The following LEF1 variants were observed in gnomAD, a reference collection of about 807,000 sequenced individuals.
LEF1 encodes the protein lymphoid enhancer-binding factor 1.
Under a neutral mutation model 51.2 loss-of-function variants are expected in LEF1, and 14 were observed. That is an observed-to-expected ratio of 0.27 (90% CI 0.18 to 0.43). The LOEUF is 0.43. LEF1 is among the 20% of genes least tolerant of loss of function. LEF1 has a pLI of 1.00. For synonymous variants in LEF1, 185 were observed against 183.2 expected (o/e 1.01, Z -0.08); for missense variants, 386 against 512.0 (o/e 0.75, Z 2.37).
chr4:108,079,139 T>G (rs1739113370), intron 7 of LEF1, among the ~76,000 whole-genome samples: 1 of 152,204 alleles, frequency 6.6e-6, no homozygotes, highest in Non-Finnish European at 1.5e-5. Flanking sequence ...CCCTCCAATC[T>G]ACTTCACTCA....
At chr4:108,067,576 C>G (rs1436647049) in intron 9 of LEF1, among the ~76,000 whole-genome samples, 2 of 150,996 alleles carry the variant, frequency 1.3e-5, no homozygotes, top group Non-Finnish European at 2.9e-5. Flanking sequence ...GTCACCTAGA[C>G]TGGAGTGCAG....
chr4:108,160,294 C>T (rs17038703), intron 3 of LEF1, among the ~76,000 whole-genome samples: 1 of 152,126 alleles, frequency 6.6e-6, no homozygotes, highest in African/African-American at 2.4e-5. Context: ...CATTGGCCTA[C>T]AGGGATTTTC....
In LEF1 at chr4:108,168,432, T is replaced by G. The variant is rs1745553279; in HGVS notation, c.-665A>C. ...GTCCGTTTTAGATCTTCTTATTTTC[T>G]TCCCTTTCGCTTCGGTTTTTCTTCT... is the stretch of plus-strand genomic sequence containing the variant. On this transcript the variant is annotated 5_prime_UTR_variant, in exon 1 of 12. Transcript: ENST00000265165. This position sits in a 1 kb window ranked among gnomAD's most constrained non-coding sequence, Gnocchi z 4.6. 6.6e-6 allele frequency: 1 copy of G among 152,250 alleles called. No individual in the cohort carries two copies. The highest frequency in any genetic ancestry group is 2.4e-5 in the African/African-American group (1 of 41,462). 9.4% of individuals were successfully genotyped at this position (152,250 alleles called of 1,614,324 possible).
chr4:108,125,862 A>G (rs1023773314), intron 3 of LEF1, among the ~76,000 whole-genome samples: 2 of 152,190 alleles, frequency 1.3e-5, no homozygotes, highest in Non-Finnish European at 2.9e-5. Context: ...GGATCCTAAA[A>G]AGTAAATGTT....
At chr4:108,136,946 G>C (rs1743302133) in intron 3 of LEF1, among the ~76,000 whole-genome samples, 1 of 152,062 alleles carries the variant, frequency 6.6e-6, no homozygotes, top group South Asian at 2.1e-4. Context: ...GGTCATTTTT[G>C]CTAAGGATAA....
intron 3 of LEF1, among the ~76,000 whole-genome samples, chr4:108,113,736 G>T (rs1427461853): frequency 6.6e-6 from 1 of 152,214 alleles, no homozygotes; most frequent in African/African-American, 2.4e-5. Flanking sequence ...TGGATAAATT[G>T]CAGGTATGCA....
intron 11 of LEF1, among the ~76,000 whole-genome samples, chr4:108,051,268 A>T (rs1295906192): frequency 6.6e-6 from 1 of 152,186 alleles, no homozygotes. Context: ...CTTAAAAAAA[A>T]AAAAGAGCAA....
chr4:108,062,340 C>A (rs1466029147), intron 11 of LEF1, among the ~76,000 whole-genome samples: 1 of 152,326 alleles, frequency 6.6e-6, no homozygotes, highest in African/African-American at 2.4e-5. Context: ...ACACTGCACA[C>A]GTCTATCCAG....
At chr4:108,134,762 A>C (rs1743145539) in intron 3 of LEF1, among the ~76,000 whole-genome samples, 1 of 152,336 alleles carries the variant, frequency 6.6e-6, no homozygotes, top group East Asian at 1.9e-4. Flanking sequence ...TAAAACCCTG[A>C]GAAGTTAAAG....
intron 5 of LEF1, among the ~76,000 whole-genome samples, chr4:108,082,568 G>C (rs760136440): frequency 9.2e-5 from 14 of 152,144 alleles, no homozygotes; most frequent in Non-Finnish European, 1.9e-4. Context: ...GGAAAAAGGA[G>C]AGAAACAATT....
chr4:108,164,396 G>A (rs1225633102), intron 2 of LEF1, among the ~76,000 whole-genome samples: 2 of 152,082 alleles, frequency 1.3e-5, no homozygotes, highest in South Asian at 2.1e-4. Flanking sequence ...CATATTGTAT[G>A]TAAAAACACT....
chr4:108,152,262 CA>C (rs888140323), intron 3 of LEF1, among the ~76,000 whole-genome samples: 1 of 152,112 alleles, frequency 6.6e-6, no homozygotes, highest in African/African-American at 2.4e-5. Flanking sequence ...TATAAGAATC[CA>C]AAGACAGGGT....
At chr4:108,135,445 T>A (rs1743199916) in intron 3 of LEF1, among the ~76,000 whole-genome samples, 1 of 152,180 alleles carries the variant, frequency 6.6e-6, no homozygotes, top group South Asian at 2.1e-4. Flanking sequence ...CAGGCTCAAA[T>A]ACAGATGGAG....
In LEF1 at chr4:108,125,185, G is replaced by C. The variant is rs529567953; in HGVS notation, c.415-35928C>G. On this transcript the variant is annotated intron_variant, in intron 3 of 11. Coordinates refer to ENST00000265165, the MANE Select transcript of LEF1 (RefSeq NM_016269.5). ...TTATTTTTATTTATTTATTTTTGAG[G>C]CAGAGTCTTGCTCTATCGCCCAGGC... Among the ~76,000 whole-genome samples the C allele has an allele frequency of 4.0e-5, 6 of 151,682 alleles. No individual in the cohort carries two copies. In the South Asian group the frequency reaches 1.3e-3, roughly 32 times the overall value.
chr4:108,112,664 G>T (rs1741603349), intron 3 of LEF1, among the ~76,000 whole-genome samples: 1 of 152,200 alleles, frequency 6.6e-6, no homozygotes. Context: ...TTCTTAGAAT[G>T]ATTTCTGGCT....
intron 11 of LEF1, among the ~76,000 whole-genome samples, chr4:108,060,281 CTA>C (rs1737583117): frequency 6.6e-6 from 1 of 152,016 alleles, no homozygotes; most frequent in South Asian, 2.1e-4. Flanking sequence ...AAAATGATGA[CTA>C]TAAATTAGGA....
chr4:108,082,627 G>A (rs1739383906), intron 5 of LEF1, among the ~76,000 whole-genome samples: 1 of 152,184 alleles, frequency 6.6e-6, no homozygotes, highest in Non-Finnish European at 1.5e-5. Flanking sequence ...AGAGGGAAGA[G>A]TGGAGAGAGC....
chr4:108,085,226 A>G (rs1427147402), intron 4 of LEF1, among the ~76,000 whole-genome samples: 1 of 152,134 alleles, frequency 6.6e-6, no homozygotes, highest in Non-Finnish European at 1.5e-5. Flanking sequence ...GTAGCCAGGT[A>G]TATAGGCGCG....
intron 3 of LEF1, among the ~76,000 whole-genome samples, chr4:108,089,706 A>G (rs1739883065): frequency 6.6e-6 from 1 of 152,234 alleles, no homozygotes; most frequent in Non-Finnish European, 1.5e-5. Flanking sequence ...AAATAAATGA[A>G]TAAATATTGC....
Sources: allele counts gnomAD v4.1 joint callset (sites outside exome capture counted in the v4.1 genomes callset), GRCh38; gene constraint gnomAD v4.1.1; non-coding constraint Gnocchi (gnomAD v3.1); transcripts MANE v1.5; gene names NCBI Gene and HGNC (gene_info 2026-07-23, HGNC 2026-07-21).